The following HHIPL1 variants were observed in gnomAD, a reference collection of about 807,000 sequenced individuals.
HHIPL1 encodes the protein HHIP like 1, also known as HHIP-like protein 1.
HHIPL1 carries 43 observed loss-of-function variants against 61.8 expected under a neutral mutation model. The ratio of observed to expected loss-of-function variants is 0.70; its 90% CI spans 0.55 to 0.90. The LOEUF (loss-of-function observed/expected upper bound fraction) is 0.90. Among genes scored for constraint, HHIPL1 ranks in the 40% least tolerant of loss-of-function variants. The pLI is 0.00. For missense variants in HHIPL1, 1,056 were observed against 1,157.7 expected, an observed-to-expected ratio of 0.91 and a Z score of 1.28; for synonymous variants, 482 against 515.8, an observed-to-expected ratio of 0.93 and a Z score of 0.89.
At chr14:99,637,850 C>T in the HHIPL1 span, among the ~76,000 whole-genome samples, 1 of 152,162 alleles carries the variant, frequency 6.6e-6, no homozygotes, top group African/African-American at 2.4e-5. Context: ...GATGAGAAAA[C>T]CAATGCCCAG....
intron 2 of HHIPL1, 151 bp downstream of exon 2, chr14:99,653,021 G>T: frequency 1.3e-6 from 1 of 794,282 alleles, no homozygotes; most frequent in South Asian, 1.9e-5. Flanking sequence ...GCCTGGAGAA[G>T]GACAGTTTTA....
chr14:99,626,467 C>G, the HHIPL1 span, among the ~76,000 whole-genome samples: 1 of 152,256 alleles, frequency 6.6e-6, no homozygotes, highest in East Asian at 1.9e-4. Flanking sequence ...CAGGACACGG[C>G]CCATCCAGCT....
At chr14:99,651,956 C>T (rs1421225907) in intron 1 of HHIPL1, among the ~76,000 whole-genome samples, 1 of 152,118 alleles carries the variant, frequency 6.6e-6, no homozygotes, top group African/African-American at 2.4e-5. Context: ...TCAGACTCTT[C>T]CTGGCATACG....
the HHIPL1 span, among the ~76,000 whole-genome samples, chr14:99,631,921 C>T: frequency 1.3e-5 from 2 of 152,204 alleles, no homozygotes; most frequent in Non-Finnish European, 2.9e-5. Context: ...CCCCAGACAT[C>T]CTGGGATGAG....
rs769530294 is a variant in HHIPL1, at chr14:99,652,728, A to T, written c.760A>T (p.Ile254Phe). Residue 254 changes from isoleucine to phenylalanine, a missense_variant, in exon 2 of 9, where the codon ATT becomes TTT. Physicochemically the swap from Ile to Phe is conservative, Grantham distance 21. Transcript: ENST00000330710. ...WEGDERGFLGIAFHPSFQHNR... is the reference protein window; with the variant it reads ...WEGDERGFLGFAFHPSFQHNR... ...GGGTGACGAGCGTGGCTTCCTGGGC[A>T]TTGCCTTCCACCCCAGCTTCCAGCA... 3 of 1,613,974 alleles carry T rather than the reference A, an allele frequency of 1.9e-6. No individual in the cohort carries two copies. Among genetic ancestry groups the T allele is most frequent in the Non-Finnish European group, 1.7e-6 (2 of 1,180,034 alleles).
At chr14:99,654,485 C>T (rs928320658) in intron 2 of HHIPL1, among the ~76,000 whole-genome samples, 11 of 152,194 alleles carry the variant, frequency 7.2e-5, no homozygotes, top group African/African-American at 2.7e-4. Flanking sequence ...CCAATGCTGT[C>T]CACTGGCTGA....
At chr14:99,637,581 A>G in the HHIPL1 span, among the ~76,000 whole-genome samples, 34,957 of 151,970 alleles carry the variant, frequency 0.23, 4,309 homozygotes, top group Middle Eastern at 0.36. Context: ...CAAAAAAAAA[A>G]AAAGAAAGAA....
the HHIPL1 span, among the ~76,000 whole-genome samples, chr14:99,619,540 C>A: frequency 6.6e-6 from 1 of 151,952 alleles, no homozygotes; most frequent in South Asian, 2.1e-4. Flanking sequence ...CTCACACCTG[C>A]GTGATGATAA....
At chr14:99,629,098 C>T in the HHIPL1 span, among the ~76,000 whole-genome samples, 1 of 152,296 alleles carries the variant, frequency 6.6e-6, no homozygotes, top group East Asian at 1.9e-4. Context: ...GATGTAGGAC[C>T]TTTCTTGGGG....
chr14:99,659,841 ACCGCAC>A, intron 4 of HHIPL1, 85 bp downstream of exon 4: 1 of 368,522 alleles, frequency 2.7e-6, no homozygotes, highest in Non-Finnish European at 3.8e-6. Context: ...TCCCTCGGAG[ACCGCAC>A]CCCCCCCCCC....
chr14:99,631,106 TTCTCTC>T, the HHIPL1 span, among the ~76,000 whole-genome samples: 23 of 121,442 alleles, frequency 1.9e-4, no homozygotes, highest in East Asian at 6.7e-4. Flanking sequence ...CTTTCTTTCT[TTCTCTC>T]TCTTTCTTTC....
In HHIPL1 at chr14:99,679,010, T is replaced by C. The variant is rs1274680948; in HGVS notation, c.*3384T>C. On this transcript the variant is annotated 3_prime_UTR_variant, in exon 9 of 9. Transcript: ENST00000330710. The stretch of plus-strand genomic sequence containing the variant: ...TCTGAAAGTTTAACATACCATTCAC[T>C]CATGTAATCCTCATATTAATGCACA... The C allele has an allele frequency of 1.3e-5, 2 of 152,266 alleles. No homozygotes were observed. The highest frequency in any genetic ancestry group is 1.5e-5 in the Non-Finnish European group (1 of 68,054). The allele number at this position is 152,266 out of a possible 1,614,324, so 9.4% of individuals were successfully genotyped here.
At chr14:99,629,795 G>C in the HHIPL1 span, among the ~76,000 whole-genome samples, 313 of 152,298 alleles carry the variant, frequency 2.1e-3, 6 homozygotes, top group East Asian at 0.055. Context: ...AAGCCACCGC[G>C]CCCAGCCCTT....
the HHIPL1 span, among the ~76,000 whole-genome samples, chr14:99,629,664 ATT>A: frequency 9.3e-5 from 14 of 150,790 alleles, no homozygotes; most frequent in African/African-American, 9.7e-5. Flanking sequence ...CGCCCGGCTA[ATT>A]TTTTTTTTTG....
the HHIPL1 span, among the ~76,000 whole-genome samples, chr14:99,624,499 C>T: frequency 1.3e-5 from 2 of 152,206 alleles, no homozygotes; most frequent in African/African-American, 2.4e-5. Flanking sequence ...CGGGCATTTA[C>T]AGCCCCAGCT....
Position 99,660,343 on chromosome 14 carries a change from T to C in HHIPL1, c.1439T>C (p.Val480Ala). ...TVGKSVTGGY[V>A]YRGCEYPNLN... ...GGCAAGTCGGTCACAGGGGGCTACGTGTACCGGGGCTGCGAGTACCCCAAC... is the reference window on the plus strand; with the variant it reads ...GGCAAGTCGGTCACAGGGGGCTACGCGTACCGGGGCTGCGAGTACCCCAAC... Residue 480 changes from valine (V) to alanine (A), a missense_variant, in exon 5 of 9, where the codon GTG becomes GCG. Physicochemically the swap from Val to Ala is moderately conservative, Grantham distance 64 (BLOSUM62 0). Coordinates refer to ENST00000330710, the MANE Select transcript of HHIPL1 (RefSeq NM_001127258.3). The surrounding 1 kb of genome is among the most constrained non-coding windows in gnomAD (Gnocchi z 4.9). The C allele has an allele frequency of 6.2e-7, 1 of 1,614,124 alleles. No homozygotes were observed. Among genetic ancestry groups the C allele is most frequent in the Non-Finnish European group, 8.5e-7 (1 of 1,179,998 alleles).
At chr14:99,672,475 A>G in intron 8 of HHIPL1, 76 bp downstream of exon 8, 1 of 1,270,250 alleles carries the variant, frequency 7.9e-7, no homozygotes, top group Non-Finnish European at 1.1e-6. Context: ...TTCCAGCCAG[A>G]CTCGGGTCTT....
At chr14:99,646,798 ATATGATATGATATGATATGATATG>A (rs1566804704) in intron 1 of HHIPL1, among the ~76,000 whole-genome samples, 20 of 91,096 alleles carry the variant, frequency 2.2e-4, no homozygotes, top group Middle Eastern at 5.1e-3. Context: ...ATATAATATG[ATATGATATGATATGATATGATATG>A]ATATGATATG....
chr14:99,670,170 A>T (rs1324967838), intron 7 of HHIPL1, among the ~76,000 whole-genome samples: 1 of 150,372 alleles, frequency 6.7e-6, no homozygotes, highest in East Asian at 2.0e-4. Flanking sequence ...GGAGCGCAGT[A>T]GCATGATCTC....
Sources: allele counts gnomAD v4.1 joint callset (sites outside exome capture counted in the v4.1 genomes callset), GRCh38; gene constraint gnomAD v4.1.1; non-coding constraint Gnocchi (gnomAD v3.1); transcripts MANE v1.5; gene names NCBI Gene and HGNC (gene_info 2026-07-23, HGNC 2026-07-21).